The following PTPRZ1 variants were observed in gnomAD, a reference collection of about 807,000 sequenced individuals.
PTPRZ1 encodes receptor-type tyrosine-protein phosphatase zeta.
Under a neutral mutation model 214.1 loss-of-function variants are expected in PTPRZ1, and 82 were observed. The ratio of observed to expected loss-of-function variants is 0.38; its 90% CI spans 0.32 to 0.46. The LOEUF (loss-of-function observed/expected upper bound fraction) is 0.46. PTPRZ1 is among the 20% of genes least tolerant of loss of function. The pLI is 1.00. For synonymous variants in PTPRZ1, 945 were observed against 987.9 expected (o/e 0.96, Z 0.81); for missense variants, 2,603 against 2,748.7 (o/e 0.95, Z 1.19).
At chr7:121,980,547 AACT>A (rs1797573101) in intron 6 of PTPRZ1, among the ~76,000 whole-genome samples, 1 of 152,210 alleles carries the variant, frequency 6.6e-6, no homozygotes, top group Admixed American at 6.5e-5. Context: ...AATGGATTAA[AACT>A]ACATGTAGGA....
At chr7:121,900,824 T>G (rs979620335) in intron 1 of PTPRZ1, among the ~76,000 whole-genome samples, 2 of 152,136 alleles carry the variant, frequency 1.3e-5, no homozygotes, top group Non-Finnish European at 1.5e-5. Context: ...AACAATGAAA[T>G]CTCTACCTTC....
At chr7:121,998,551 C>A (rs1459234813) in intron 10 of PTPRZ1, among the ~76,000 whole-genome samples, 2 of 152,048 alleles carry the variant, frequency 1.3e-5, no homozygotes, top group Non-Finnish European at 2.9e-5. Flanking sequence ...AAAAATAAGA[C>A]AAACAAAAGT....
intron 3 of PTPRZ1, among the ~76,000 whole-genome samples, chr7:121,970,783 C>T (rs1797218531): frequency 6.6e-6 from 1 of 152,076 alleles, no homozygotes; most frequent in Non-Finnish European, 1.5e-5. Context: ...GTTTCTTTTG[C>T]TGTGCAGAAG....
chr7:122,029,811 T>C (rs1198048488), intron 14 of PTPRZ1, among the ~76,000 whole-genome samples: 1 of 151,788 alleles, frequency 6.6e-6, no homozygotes, highest in Non-Finnish European at 1.5e-5. Flanking sequence ...TTGTGCCTTA[T>C]AAACTTAGGA....
intron 2 of PTPRZ1, among the ~76,000 whole-genome samples, chr7:121,957,062 C>T (rs764839823): frequency 2.0e-5 from 3 of 152,230 alleles, no homozygotes; most frequent in Non-Finnish European, 4.4e-5. Flanking sequence ...GCGCACACTT[C>T]GCTTGGCATT....
chr7:121,908,603 A>G (rs967364143), intron 1 of PTPRZ1: 1 of 367,920 alleles, frequency 2.7e-6, no homozygotes, highest in African/African-American at 2.2e-5. Flanking sequence ...TGTTCTCTTT[A>G]TTTCCATTAC....
chr7:121,904,192 CA>C (rs1424578487), intron 1 of PTPRZ1, among the ~76,000 whole-genome samples: 1 of 152,142 alleles, frequency 6.6e-6, no homozygotes, highest in Non-Finnish European at 1.5e-5. Flanking sequence ...AGAGTGCATG[CA>C]CCTCCAGTTC....
In PTPRZ1 at chr7:121,968,221, G is replaced by A. The variant is rs79790854; in HGVS notation, c.304+91G>A. On this transcript the variant is annotated intron_variant, in intron 3 of 29. Coordinates refer to ENST00000393386, the MANE Select transcript of PTPRZ1 (RefSeq NM_002851.3). ...TTCATCTCATTTTCCTTTGAATAGTGTACTATGAACTAGATAGAAGTTACA... is the reference window on the plus strand; with the variant it reads ...TTCATCTCATTTTCCTTTGAATAGTATACTATGAACTAGATAGAAGTTACA... 2.8e-3 allele frequency: 3,329 copies of A among 1,172,528 alleles called. 71 individuals are homozygous for A. In the African/African-American group the frequency reaches 0.044, roughly 15 times the overall value. The allele number at this position is 1,172,528 out of a possible 1,614,324, so 72.6% of individuals were successfully genotyped here. A position where few individuals can be genotyped will look rare whatever the true frequency, so the allele number is the denominator to read the frequency against.
At chr7:121,911,849 A>G (rs1259835324) in intron 1 of PTPRZ1, among the ~76,000 whole-genome samples, 1 of 152,034 alleles carries the variant, frequency 6.6e-6, no homozygotes, top group Non-Finnish European at 1.5e-5. Flanking sequence ...CAATATCTCA[A>G]TAAGCTATTC....
intron 10 of PTPRZ1, 101 bp downstream of exon 10, chr7:121,998,107 G>A (rs1798202788): frequency 7.5e-7 from 1 of 1,340,386 alleles, no homozygotes; most frequent in Admixed American, 2.5e-5. Context: ...TTGGCCAAAA[G>A]GCAAAGTGAT....
intron 1 of PTPRZ1, among the ~76,000 whole-genome samples, chr7:121,915,017 T>G (rs1033187981): frequency 6.6e-6 from 1 of 152,180 alleles, no homozygotes; most frequent in African/African-American, 2.4e-5. Context: ...CAATTCTTTT[T>G]GGATGTGTCA....
intron 1 of PTPRZ1, among the ~76,000 whole-genome samples, chr7:121,880,595 G>C (rs908367338): frequency 6.6e-6 from 1 of 152,048 alleles, no homozygotes; most frequent in Non-Finnish European, 1.5e-5. Context: ...ACCTTGAGTA[G>C]GAATAAAATA....
rs770964447 is a variant in PTPRZ1, at chr7:122,028,651, C to T, written c.5080+8C>T. 1.3e-6 allele frequency: 2 copies of T among 1,517,602 alleles called. No homozygotes were observed. Among genetic ancestry groups the T allele is most frequent in the Admixed American group, 3.3e-5 (2 of 59,714 alleles). The allele number at this position is 1,517,602 out of a possible 1,614,324, so 94.0% of individuals were successfully genotyped here. A position where few individuals can be genotyped will look rare whatever the true frequency, so the allele number is the denominator to read the frequency against. On this transcript the variant is annotated splice_region_variant and intron_variant, in intron 14 of 29. Coordinates refer to ENST00000393386, the MANE Select transcript of PTPRZ1 (RefSeq NM_002851.3). ...CTATCTTTCCAATTTCAGGTAATGG[C>T]TTAAAGTGTGACCATGAGTAGCTGG... is the stretch of plus-strand genomic sequence containing the variant.
intron 8 of PTPRZ1, among the ~76,000 whole-genome samples, chr7:121,992,200 G>T (rs1232745647): frequency 6.6e-6 from 1 of 152,146 alleles, no homozygotes; most frequent in Non-Finnish European, 1.5e-5. Context: ...CAGAATACCT[G>T]AAGCTAAGAC....
intron 2 of PTPRZ1, among the ~76,000 whole-genome samples, chr7:121,951,989 C>T (rs1036186182): frequency 4.7e-5 from 7 of 149,330 alleles, no homozygotes; most frequent in African/African-American, 7.4e-5. Flanking sequence ...GACGGAGTCT[C>T]GCTCTGTCGC....
intron 13 of PTPRZ1, among the ~76,000 whole-genome samples, chr7:122,022,811 A>C (rs900335832): frequency 6.6e-6 from 1 of 152,170 alleles, no homozygotes; most frequent in African/African-American, 2.4e-5. Flanking sequence ...CATGCTTCCC[A>C]GTTGCAAAAC....
chr7:122,039,451 C>A lies in PTPRZ1; in HGVS notation c.5503-3C>A. ...GAAGTAACATCTACATTTTCTTTTG[C>A]AGAGAAAATGTGATCAGTACTGGCC... On this transcript the variant is annotated splice_polypyrimidine_tract_variant and splice_region_variant and intron_variant, in intron 19 of 29. Transcript: ENST00000393386. 6.2e-7 allele frequency: 1 copy of A among 1,604,480 alleles called. No homozygotes were observed. Among genetic ancestry groups the A allele is most frequent in the South Asian group, 1.1e-5 (1 of 88,344 alleles).
chr7:122,010,542 C>T lies in PTPRZ1; in HGVS notation c.1496C>T (p.Ser499Phe). ...FSGKGDVPNT[S>F]LNSTSQPVTK... ...GGAAAGGGTGATGTTCCCAATACAT[C>T]TTTAAATTCCACTTCCCAACCAGTC... The change falls in exon 12 of 30, where the codon TCT (serine) becomes TTT (phenylalanine). Residue 499 changes from serine to phenylalanine, a missense_variant. Physicochemically the swap from Ser to Phe is radical, Grantham distance 155. This residue lies in a region of PTPRZ1 where 1,913 missense variants were observed against 1,914.3 expected (regional missense o/e 1.00). Coordinates refer to ENST00000393386, the MANE Select transcript of PTPRZ1 (RefSeq NM_002851.3). 1 of 1,613,394 alleles carries T rather than the reference C, an allele frequency of 6.2e-7. No homozygotes were observed. The highest frequency in any genetic ancestry group is 1.1e-5 in the South Asian group (1 of 91,044).
chr7:121,896,549 T>A (rs535075299), intron 1 of PTPRZ1, among the ~76,000 whole-genome samples: 1 of 152,172 alleles, frequency 6.6e-6, no homozygotes, highest in Admixed American at 6.5e-5. Flanking sequence ...TGCTACAACA[T>A]AGATGAACCT....
Sources: allele counts gnomAD v4.1 joint callset (sites outside exome capture counted in the v4.1 genomes callset), GRCh38; gene constraint gnomAD v4.1.1; regional missense constraint gnomAD v4.1.1; transcripts MANE v1.5; gene names NCBI Gene and HGNC (gene_info 2026-07-23, HGNC 2026-07-21).